Variants in PLS1 observed in about 807,000 individuals in gnomAD.
PLS1 encodes plastin 1.
PLS1 carries 32 observed loss-of-function variants against 73.7 expected under a neutral mutation model. The ratio of observed to expected loss-of-function variants is 0.43; its 90% CI spans 0.33 to 0.58. PLS1 has a LOEUF of 0.58. PLS1 is among the 20% of genes least tolerant of loss of function. The pLI is 0.04. For missense variants in PLS1, 633 were observed against 740.5 expected (o/e 0.85, Z 1.68); for synonymous variants, 217 against 261.3 (o/e 0.83, Z 1.63).
At chr3:142,621,042 A>C (rs1348410279) in intron 1 of PLS1, among the ~76,000 whole-genome samples, 1 of 152,062 alleles carries the variant, frequency 6.6e-6, no homozygotes, top group Non-Finnish European at 1.5e-5. Flanking sequence ...AAAATAAAAG[A>C]GCAAACAAGA....
intron 1 of PLS1, among the ~76,000 whole-genome samples, chr3:142,660,101 G>A (rs1004605581): frequency 4.6e-5 from 7 of 152,040 alleles, no homozygotes; most frequent in African/African-American, 7.2e-5. Context: ...AAGTTAGTCC[G>A]AGCAGTTGTT....
intron 1 of PLS1, among the ~76,000 whole-genome samples, chr3:142,613,501 TAAAAA>T (rs895263939): frequency 1.3e-5 from 2 of 151,592 alleles, no homozygotes; most frequent in Non-Finnish European, 2.9e-5. Flanking sequence ...GTTTTCAACT[TAAAAA>T]AAGAAAAGAA....
Position 142,684,412 on chromosome 3 carries a change from TC to T in PLS1, c.888+18del, listed in dbSNP as rs1480824305. On this transcript the variant is annotated intron_variant, in intron 8 of 15. Transcript: ENST00000457734. The stretch of plus-strand genomic sequence containing the variant: ...GACATTAAGGTTTATATTTAAATGT[TC>T]AAATTTGTGACATGAAATAAGGATG... The T allele has an allele frequency of 6.2e-7, 1 of 1,601,336 alleles. No homozygotes were observed. The highest frequency in any genetic ancestry group is 8.5e-7 in the Non-Finnish European group (1 of 1,170,268).
rs1248023306 is a variant in PLS1, at chr3:142,669,345, C to T, written c.71-45C>T. The T allele has an allele frequency of 4.2e-6, 5 of 1,182,420 alleles. No individual in the cohort carries two copies. The South Asian group carries it at 6.3e-5, about 15-fold the overall frequency. The allele number at this position is 1,182,420 out of a possible 1,614,324, so 73.2% of individuals were successfully genotyped here. A position where few individuals can be genotyped will look rare whatever the true frequency, so the allele number is the denominator to read the frequency against. On this transcript the variant is annotated intron_variant, in intron 2 of 15. Transcript: ENST00000457734. ...CCCAAAAGGCATCCTTATTGTACAC[C>T]TTCAACAAAGATTACAAAATATATT...
intron 1 of PLS1, among the ~76,000 whole-genome samples, chr3:142,638,672 C>T (rs1327724619): frequency 6.6e-6 from 1 of 152,008 alleles, no homozygotes; most frequent in African/African-American, 2.4e-5. Flanking sequence ...GGATGAATTC[C>T]CAGGCCTCAA....
At chr3:142,665,853 T>C (rs1428405336) in intron 2 of PLS1, among the ~76,000 whole-genome samples, 1 of 152,008 alleles carries the variant, frequency 6.6e-6, no homozygotes, top group Admixed American at 6.6e-5. Context: ...TTCAATAGAT[T>C]GTAGTGAGGG....
intron 1 of PLS1, among the ~76,000 whole-genome samples, chr3:142,618,588 A>G (rs2049325): frequency 0.64 from 97,625 of 151,906 alleles, 33,044 homozygotes; most frequent in African/African-American, 0.87. Context: ...TTGATGGTAG[A>G]CCTGAGATCT....
chr3:142,705,865 C>G (rs995162531), intron 14 of PLS1, among the ~76,000 whole-genome samples: 10 of 152,136 alleles, frequency 6.6e-5, no homozygotes, highest in East Asian at 1.9e-4. Context: ...TCCACCCCCC[C>G]TTTTCTATCT....
chr3:142,696,428 A>C (rs532911382), intron 11 of PLS1, among the ~76,000 whole-genome samples: 1 of 152,332 alleles, frequency 6.6e-6, no homozygotes, highest in South Asian at 2.1e-4. Flanking sequence ...GAGAACCGTC[A>C]GATGTAGAAG....
intron 11 of PLS1, among the ~76,000 whole-genome samples, chr3:142,695,789 TTTA>T (rs2038185422): frequency 1.4e-5 from 2 of 143,234 alleles, no homozygotes; most frequent in Admixed American, 1.4e-4. Context: ...TATTTATTTA[TTTA>T]TTTATTTATT....
chr3:142,683,596 C>G (rs2037900599), intron 6 of PLS1, among the ~76,000 whole-genome samples: 1 of 152,318 alleles, frequency 6.6e-6, no homozygotes, highest in South Asian at 2.1e-4. Context: ...GCTGCAGTTT[C>G]CTCATCTGTA....
At chr3:142,647,605 C>T (rs1371757972) in intron 1 of PLS1, among the ~76,000 whole-genome samples, 14 of 151,106 alleles carry the variant, frequency 9.3e-5, no homozygotes, top group African/African-American at 2.7e-4. Flanking sequence ...CGGGTTCATG[C>T]GATTCTTCTG....
intron 4 of PLS1, among the ~76,000 whole-genome samples, chr3:142,672,090 T>C (rs1028069648): frequency 6.6e-6 from 1 of 152,162 alleles, no homozygotes; most frequent in Non-Finnish European, 1.5e-5. Flanking sequence ...TAAGGTATAA[T>C]ACACATTCAG....
chr3:142,661,702 A>G (rs189872002), intron 1 of PLS1, among the ~76,000 whole-genome samples: 1 of 152,336 alleles, frequency 6.6e-6, no homozygotes, highest in African/African-American at 2.4e-5. Flanking sequence ...CTTAGCTTCA[A>G]TTCCTATTGT....
intron 1 of PLS1, among the ~76,000 whole-genome samples, chr3:142,602,461 C>T (rs1360880226): frequency 1.3e-5 from 2 of 152,030 alleles, no homozygotes; most frequent in Non-Finnish European, 2.9e-5. Context: ...TGGCCATAAA[C>T]CCCCAGGAAG....
chr3:142,666,667 C>T (rs939592412), intron 2 of PLS1, among the ~76,000 whole-genome samples: 4 of 152,146 alleles, frequency 2.6e-5, no homozygotes, highest in Admixed American at 2.0e-4. Flanking sequence ...AACATAGTAG[C>T]GGAATTGCTA....
At chr3:142,696,751 AATAATAAT>A (rs1470037337) in intron 11 of PLS1, among the ~76,000 whole-genome samples, 5,984 of 148,678 alleles carry the variant, frequency 0.04, 374 homozygotes, top group African/African-American at 0.13. Flanking sequence ...TAATAATAAT[AATAATAAT>A]ACCATACTAG....
rs2037759563 is a variant in PLS1 at position 142,678,041 on chromosome 3, C to G, written c.507C>G (p.Ile169Met). ...CTCATTTTCTCTTTAGCAAAATGAT[C>G]AACTTATCTGAACCAGATACAATTG... ...LADGILLCKM[I>M]NLSEPDTIDE... Residue 169 changes from isoleucine to methionine, a missense_variant, in exon 6 of 16, where the codon ATC (isoleucine) becomes ATG (methionine). Coordinates refer to ENST00000457734, the MANE Select transcript of PLS1 (RefSeq NM_001145319.2). 2.7e-6 allele frequency: 4 copies of G among 1,508,838 alleles called. No individual in the cohort carries two copies. The Admixed American group carries it at 8.3e-5, about 31-fold the overall frequency. 93.5% of individuals were successfully genotyped at this position (1,508,838 alleles called of 1,614,324 possible).
At position 142,622,405 on chromosome 3, in the gene PLS1, C is replaced by T. The variant is rs576718084; in HGVS notation, c.-37+25896C>T. ...AAAGCCTCCTCATGTATTTTGCTTT[C>T]CATCCCTCCTTTCACCCTGTTCCAA... On this transcript the variant is annotated intron_variant, in intron 1 of 15. Coordinates refer to ENST00000457734, the MANE Select transcript of PLS1 (RefSeq NM_001145319.2). Among the ~76,000 whole-genome samples the T allele has an allele frequency of 1.9e-4, 29 of 152,280 alleles. 1 individual carries two copies. The South Asian group carries it at 5.8e-3, about 30-fold the overall frequency.
Sources: allele counts gnomAD v4.1 joint callset (sites outside exome capture counted in the v4.1 genomes callset), GRCh38; gene constraint gnomAD v4.1.1; transcripts MANE v1.5; gene names NCBI Gene and HGNC (gene_info 2026-07-23, HGNC 2026-07-21).